Variants in SLC38A8 observed in about 807,000 individuals in gnomAD.
The protein encoded by SLC38A8 is solute carrier family 38 member 8, also known as amino acid transporter SLC38A8.
A neutral mutation model predicts 46.0 loss-of-function variants in SLC38A8; 65 were observed. The observed-to-expected ratio is 1.41, with a 90% CI of 1.16 to 1.74. The LOEUF (loss-of-function observed/expected upper bound fraction) is 1.74, where lower values mean the gene tolerates loss of function less well. Among genes scored for constraint, SLC38A8 ranks in the 40% most tolerant of loss-of-function variants. The pLI is 0.00. For synonymous variants in SLC38A8, 447 were observed against 243.7 expected, an observed-to-expected ratio of 1.83 and a Z score of -7.77; for missense variants, 998 against 567.9, an observed-to-expected ratio of 1.76 and a Z score of -7.70.
intron 6 of SLC38A8, among the ~76,000 whole-genome samples, chr16:84,025,498 G>A (rs752379099): frequency 2.5e-4 from 37 of 146,472 alleles, no homozygotes; most frequent in Non-Finnish European, 4.9e-4. Flanking sequence ...TCTACTCAGC[G>A]TCTCTCAACC....
chr16:84,042,485 C>G (rs910996079), intron 1 of SLC38A8, 66 bp downstream of exon 1: 1 of 221,146 alleles, frequency 4.5e-6, no homozygotes. Context: ...TCCCCCCATT[C>G]CCATCCACTC....
chr16:84,021,843 G>C (rs1025208888), intron 7 of SLC38A8, among the ~76,000 whole-genome samples: 3 of 152,214 alleles, frequency 2.0e-5, no homozygotes, highest in African/African-American at 7.2e-5. Context: ...GGCTACATCT[G>C]GGGAGAGCCT....
intron 2 of SLC38A8, 40 bp downstream of exon 2, chr16:84,041,929 C>A: frequency 1.3e-6 from 2 of 1,527,480 alleles, no homozygotes; most frequent in Non-Finnish European, 1.8e-6. Context: ...GCCAAAGCCA[C>A]CTCGTACCCG....
intron 1 of SLC38A8, 37 bp downstream of exon 1, chr16:84,042,514 C>T: frequency 5.4e-6 from 1 of 186,516 alleles, no homozygotes; most frequent in Non-Finnish European, 1.1e-5. Context: ...TCCAGCCAAA[C>T]TTCTGTACAA....
In SLC38A8 at chr16:84,015,192, T is replaced by C. The variant is rs1376453209; in HGVS notation, c.1162+1327A>G. Reference sequence around the variant, plus strand: ...TCGACTGTGTACTCAACACTTGCTGTGTGTGGGGCCCTGGAACACACCCCC... The same window carrying C: ...TCGACTGTGTACTCAACACTTGCTGCGTGTGGGGCCCTGGAACACACCCCC... On this transcript the variant is annotated intron_variant, in intron 9 of 10. Transcript: ENST00000299709. Among the ~76,000 whole-genome samples, 3 of 152,120 alleles carry C rather than the reference T, an allele frequency of 2.0e-5. No individual in the cohort carries two copies. The East Asian group carries it at 5.8e-4, about 29-fold the overall frequency.
At chr16:84,013,200 C>G in intron 9 of SLC38A8, 148 bp from the exon 10 acceptor site, 1 of 783,246 alleles carries the variant, frequency 1.3e-6, no homozygotes, top group Non-Finnish European at 2.1e-6. Flanking sequence ...AGAGGCAACA[C>G]AGTGGAGCTG....
intron 6 of SLC38A8, among the ~76,000 whole-genome samples, chr16:84,028,925 G>A (rs1046992093): frequency 6.6e-6 from 1 of 152,076 alleles, no homozygotes; most frequent in Non-Finnish European, 1.5e-5. Context: ...CCCTCTGCCA[G>A]GATTCTACAC....
intron 6 of SLC38A8, among the ~76,000 whole-genome samples, chr16:84,028,216 G>A (rs551395149): frequency 1.3e-5 from 2 of 152,274 alleles, no homozygotes; most frequent in South Asian, 4.1e-4. Flanking sequence ...CTTTGGAATG[G>A]TTTTGTTGGT....
At chr16:84,013,422 G>GTGTTTTTTTTTTT (rs2084978711) in intron 9 of SLC38A8, among the ~76,000 whole-genome samples, 5 of 108,700 alleles carry the variant, frequency 4.6e-5, no homozygotes, top group African/African-American at 4.1e-5. Flanking sequence ...TGTTGTGTGT[G>GTGTTTTTTTTTTT]TGTTTTTTTT....
rs766780429 is a variant in SLC38A8 at position 84,029,500 on chromosome 16, C to T, written c.684G>A (p.Gly228=). 4 of 1,614,064 alleles carry T rather than the reference C, an allele frequency of 2.5e-6. No homozygotes were observed. The highest frequency in any genetic ancestry group is 2.5e-6 in the Non-Finnish European group (3 of 1,179,978). ...VFSVFPTICF[G]FQCHEAAVSI... ...ACACAGATGCTAAAATTACCTGAAACCCGAAGCAGATGGTGGGGAAGACAC... is the reference window on the plus strand; with the variant it reads ...ACACAGATGCTAAAATTACCTGAAATCCGAAGCAGATGGTGGGGAAGACAC... Residue 228 remains glycine (G), a synonymous_variant, in exon 6 of 11, where the codon GGG becomes GGA. Transcript: ENST00000299709.
intron 9 of SLC38A8, among the ~76,000 whole-genome samples, chr16:84,014,394 G>C (rs796645792): frequency 7.0e-5 from 10 of 143,610 alleles, no homozygotes; most frequent in African/African-American, 2.6e-4. Flanking sequence ...ATCAATGAAA[G>C]CTCCGCTCAG....
chr16:84,020,214 C>T (rs542250265), intron 7 of SLC38A8, among the ~76,000 whole-genome samples: 2 of 151,244 alleles, frequency 1.3e-5, no homozygotes, highest in African/African-American at 2.4e-5. Context: ...AATCACAGCT[C>T]ATTCCAGCCT....
rs750935974 is a variant in SLC38A8, at chr16:84,016,532, G to A, written c.1149C>T (p.Ile383=). 1.2e-6 allele frequency: 2 copies of A among 1,613,992 alleles called. No homozygotes were observed. The highest frequency in any genetic ancestry group is 1.7e-6 in the Non-Finnish European group (2 of 1,179,904). The change falls in exon 9 of 11, where the codon ATC becomes ATT. Residue 383 remains isoleucine (I), a synonymous_variant. Coordinates refer to ENST00000299709, the MANE Select transcript of SLC38A8 (RefSeq NM_001080442.3). ...SIIGGISSFF[I]FIFPGLCLIC... ...CAGGGGCCTCACCTGGGAAGATGAA[G>A]ATGAAGAAGGAACTGATGCCTCCGA...
At chr16:84,015,538 T>C (rs370767236) in intron 9 of SLC38A8, among the ~76,000 whole-genome samples, 4 of 150,518 alleles carry the variant, frequency 2.7e-5, no homozygotes, top group Non-Finnish European at 4.4e-5. Flanking sequence ...AGCTGTATGA[T>C]TGACCCTCAG....
chr16:84,018,573 TCCATTAAC>T (rs2085059236), intron 7 of SLC38A8, among the ~76,000 whole-genome samples: 1 of 152,016 alleles, frequency 6.6e-6, no homozygotes, highest in Non-Finnish European at 1.5e-5. Context: ...AACCCATCAG[TCCATTAAC>T]CCATTAATCC....
intron 7 of SLC38A8, among the ~76,000 whole-genome samples, 191 bp downstream of exon 7, chr16:84,022,584 G>T (rs1251796891): frequency 6.6e-6 from 1 of 152,198 alleles, no homozygotes; most frequent in Non-Finnish European, 1.5e-5. Context: ...GTTCTGGAGG[G>T]CACCTGAGCC....
intron 6 of SLC38A8, among the ~76,000 whole-genome samples, chr16:84,024,058 T>C (rs754174399): frequency 3.0e-4 from 46 of 152,324 alleles, no homozygotes; most frequent in Middle Eastern, 3.4e-3. Context: ...GTGGGGGTGT[T>C]GTGCAGTGTC....
In SLC38A8 at chr16:84,022,842, G is replaced by A. The variant is rs749587066; in HGVS notation, c.738C>T (p.Ser246=). The part of the protein sequence containing the change: ...VSIYCSMRKR[S]LSHWALVSVL... Reference sequence around the variant, plus strand: ...CAGACACCAGGGCCCAGTGGGAGAGGCTCCGTTTGCGCATGCTGCAGTAGA... The same window carrying A: ...CAGACACCAGGGCCCAGTGGGAGAGACTCCGTTTGCGCATGCTGCAGTAGA... Residue 246 remains serine (S), a synonymous_variant, in exon 7 of 11, where the codon AGC becomes AGT. Transcript: ENST00000299709. 5 of 1,612,144 alleles carry A rather than the reference G, an allele frequency of 3.1e-6. No individual in the cohort carries two copies. The highest frequency in any genetic ancestry group is 4.2e-6 in the Non-Finnish European group (5 of 1,179,260).
intron 9 of SLC38A8, among the ~76,000 whole-genome samples, chr16:84,015,553 G>C (rs2085015182): frequency 7.6e-6 from 1 of 131,734 alleles, no homozygotes; most frequent in African/African-American, 2.9e-5. Context: ...CCTCAGCCCT[G>C]CTGCATACTA....
Sources: allele counts gnomAD v4.1 joint callset (sites outside exome capture counted in the v4.1 genomes callset), GRCh38; gene constraint gnomAD v4.1.1; transcripts MANE v1.5; gene names NCBI Gene and HGNC (gene_info 2026-07-23, HGNC 2026-07-21).